The following VIPR2 variants were observed in gnomAD, a reference collection of about 807,000 sequenced individuals.
VIPR2 encodes vasoactive intestinal polypeptide receptor 2.
A neutral mutation model predicts 58.0 loss-of-function variants in VIPR2; 48 were observed. The observed-to-expected ratio is 0.83, with a 90% CI of 0.66 to 1.05. The LOEUF (loss-of-function observed/expected upper bound fraction) is 1.05, where lower values mean the gene tolerates loss of function less well. VIPR2 is among the 50% of genes least tolerant of loss of function. The pLI, the probability that VIPR2 is intolerant of heterozygous loss-of-function variation, is 0.00. For missense variants in VIPR2, 534 were observed against 558.0 expected, an observed-to-expected ratio of 0.96 and a Z score of 0.43; for synonymous variants, 243 against 235.2, an observed-to-expected ratio of 1.03 and a Z score of -0.30.
intron 3 of VIPR2, 36 bp downstream of exon 3, chr7:159,109,776 C>G (rs528893696): frequency 1.9e-5 from 31 of 1,594,976 alleles, no homozygotes; most frequent in Non-Finnish European, 2.7e-5. Flanking sequence ...TGCAAACACC[C>G]TGGAGGAGCT....
chr7:159,038,394 C>A (rs775570302), intron 6 of VIPR2, among the ~76,000 whole-genome samples: 1 of 152,138 alleles, frequency 6.6e-6, no homozygotes, highest in African/African-American at 2.4e-5. Context: ...TGCCTGCACG[C>A]GGATCTCGTG....
At chr7:159,035,689 C>G in intron 8 of VIPR2, 6 of 985,306 alleles carry the variant, frequency 6.1e-6, no homozygotes, top group Non-Finnish European at 6.0e-6. Flanking sequence ...AGGGGCTGCC[C>G]CAGTCTCTGC....
In VIPR2 at chr7:159,093,688, T is replaced by C. The variant is rs920374785; in HGVS notation, c.357+10069A>G. Among the ~76,000 whole-genome samples the C allele has an allele frequency of 7.2e-6, 1 of 139,480 alleles. No homozygotes were observed. Among genetic ancestry groups the C allele is most frequent in the Non-Finnish European group, 1.6e-5 (1 of 63,794 alleles). The allele number at this position is 139,480 out of a possible 152,430, so 91.5% of individuals were successfully genotyped here. A position where few individuals can be genotyped will look rare whatever the true frequency, so the allele number is the denominator to read the frequency against. On this transcript the variant is annotated intron_variant, in intron 4 of 12. Coordinates refer to ENST00000262178, the MANE Select transcript of VIPR2 (RefSeq NM_003382.5). The surrounding 1 kb of genome is among the most constrained non-coding windows in gnomAD (Gnocchi z 6.7). ...GGAAGACCCCACAGCGTCCCTGGGT[T>C]CGGAGATGGGAGACCCCGCAGCGTC...
At chr7:159,138,633 A>C (rs1797326134) in intron 2 of VIPR2, among the ~76,000 whole-genome samples, 1 of 152,254 alleles carries the variant, frequency 6.6e-6, no homozygotes, top group African/African-American at 2.4e-5. Context: ...ACTGAAATAC[A>C]AAACAGAAAA....
At chr7:159,084,434 G>A (rs1187006400) in intron 4 of VIPR2, among the ~76,000 whole-genome samples, 1 of 152,204 alleles carries the variant, frequency 6.6e-6, no homozygotes, top group African/African-American at 2.4e-5. Flanking sequence ...GGCCCCTGGC[G>A]CAGCATTTCA....
At chr7:159,080,083 C>T (rs115400256) in intron 4 of VIPR2, among the ~76,000 whole-genome samples, 4 of 152,006 alleles carry the variant, frequency 2.6e-5, no homozygotes, top group East Asian at 3.9e-4. Context: ...TTCCAATCAG[C>T]GGAAAAAAAG....
intron 4 of VIPR2, among the ~76,000 whole-genome samples, chr7:159,069,954 C>T (rs1304213226): frequency 6.6e-6 from 1 of 152,094 alleles, no homozygotes; most frequent in Non-Finnish European, 1.5e-5. Context: ...GTTTGTCAAC[C>T]CGGAATGTGA....
chr7:159,094,455 C>T (rs1190832452), intron 4 of VIPR2, among the ~76,000 whole-genome samples: 1 of 152,252 alleles, frequency 6.6e-6, no homozygotes, highest in Non-Finnish European at 1.5e-5. Flanking sequence ...ACTCAGGAAC[C>T]AGAGCTGCTG....
intron 9 of VIPR2, 39 bp from the exon 10 acceptor site, chr7:159,034,343 G>T: frequency 6.3e-7 from 1 of 1,599,956 alleles, no homozygotes; most frequent in African/African-American, 1.3e-5. Flanking sequence ...CAGACACGTG[G>T]ATCCCTAATT....
At chr7:159,034,767 T>A (rs1385818085) in intron 8 of VIPR2, 117 bp from the exon 9 acceptor site, 2 of 771,302 alleles carry the variant, frequency 2.6e-6, no homozygotes, top group Non-Finnish European at 4.6e-6. Context: ...GAAGCACAAT[T>A]TCTCTGCACT....
At chr7:159,045,511 A>ACCATT (rs1854591098) in intron 5 of VIPR2, among the ~76,000 whole-genome samples, 1 of 152,232 alleles carries the variant, frequency 6.6e-6, no homozygotes, top group Non-Finnish European at 1.5e-5. Context: ...GTGCTGTGAC[A>ACCATT]ACTAGATGTC....
At chr7:159,109,981 C>T in intron 2 of VIPR2, 62 bp from the exon 3 acceptor site, 1 of 1,523,908 alleles carries the variant, frequency 6.6e-7, no homozygotes, top group Non-Finnish European at 9.0e-7. Flanking sequence ...AAATAGAAAC[C>T]CCATTAATGA....
chr7:159,083,230 C>T (rs56260213), intron 4 of VIPR2, among the ~76,000 whole-genome samples: 19,425 of 152,228 alleles, frequency 0.13, 1,434 homozygotes, highest in East Asian at 0.16. Context: ...AAGCCTGCCC[C>T]ACTGCTCTGC....
At chr7:159,035,872 CCTT>C in intron 8 of VIPR2, 77 bp downstream of exon 8, 7 of 1,556,120 alleles carry the variant, frequency 4.5e-6, no homozygotes, top group Non-Finnish European at 6.1e-6. Context: ...AACCAGGTAA[CCTT>C]CTGGCTTCCA....
chr7:159,111,191 T>C (rs909164012), intron 2 of VIPR2, among the ~76,000 whole-genome samples: 17 of 150,002 alleles, frequency 1.1e-4, no homozygotes, highest in African/African-American at 4.2e-4. Flanking sequence ...GGTGGAGAGG[T>C]GTCAGGATGG....
At chr7:159,083,873 T>C (rs929541120) in intron 4 of VIPR2, among the ~76,000 whole-genome samples, 1 of 152,238 alleles carries the variant, frequency 6.6e-6, no homozygotes, top group African/African-American at 2.4e-5. Flanking sequence ...AGGGGGCTCC[T>C]GACTCTGCGT....
rs1007567111 is a variant in VIPR2 at position 159,096,708 on chromosome 7, T to C, written c.357+7049A>G. The C allele has an allele frequency of 6.7e-6, 9 of 1,340,850 alleles. No individual in the cohort carries two copies. Among genetic ancestry groups the C allele is most frequent in the Non-Finnish European group, 8.7e-6 (9 of 1,028,950 alleles). The allele number at this position is 1,340,850 out of a possible 1,614,324, so 83.1% of individuals were successfully genotyped here. ...AAACTAAACAGCAGAAAAGTGCTCA[T>C]AATCCTGTCTGGTTGTGCCAGGTGA... On this transcript the variant is annotated intron_variant, in intron 4 of 12. Coordinates refer to ENST00000262178, the MANE Select transcript of VIPR2 (RefSeq NM_003382.5). The surrounding 1 kb of genome is among the most constrained non-coding windows in gnomAD (Gnocchi z 5.5).
At chr7:159,038,888 A>G (rs1854140746) in intron 6 of VIPR2, among the ~76,000 whole-genome samples, 1 of 152,260 alleles carries the variant, frequency 6.6e-6, no homozygotes, top group African/African-American at 2.4e-5. Flanking sequence ...CATATTTACA[A>G]TAGAAATGAC....
intron 4 of VIPR2, among the ~76,000 whole-genome samples, chr7:159,062,529 A>G (rs980667059): frequency 3.3e-5 from 5 of 151,544 alleles, no homozygotes; most frequent in African/African-American, 1.2e-4. Context: ...CCCTCTCTGG[A>G]GTTGTTCATT....
Sources: gnomAD v4.1 joint callset for allele counts (sites outside exome capture counted in the v4.1 genomes callset) on GRCh38, gnomAD v4.1.1 for gene constraint, Gnocchi (gnomAD v3.1) non-coding constraint, MANE v1.5 for transcripts, NCBI Gene and HGNC (gene_info 2026-07-23, HGNC 2026-07-21) for gene names.